The following GRXCR2 variants were observed in gnomAD, a reference collection of about 807,000 sequenced individuals.
GRXCR2 encodes glutaredoxin domain-containing cysteine-rich protein 2.
In GRXCR2, 23 loss-of-function variants were observed where a neutral mutation model predicts 24.8. The ratio of observed to expected loss-of-function variants is 0.93; its 90% CI spans 0.67 to 1.32. GRXCR2 has a LOEUF of 1.32. Among genes scored for constraint, GRXCR2 ranks in the 40% most tolerant of loss-of-function variants. The probability of loss-of-function intolerance (pLI) is 0.00; values close to 1 mark genes in which losing one functional copy is unlikely to be tolerated. For synonymous variants in GRXCR2, 130 were observed against 116.1 expected (o/e 1.12, Z -0.77); for missense variants, 315 against 303.4 (o/e 1.04, Z -0.28).
chr5:145,870,282 T>C (rs920090717), intron 1 of GRXCR2, among the ~76,000 whole-genome samples: 1 of 152,146 alleles, frequency 6.6e-6, no homozygotes, highest in Non-Finnish European at 1.5e-5. Context: ...ACTTGCTGTC[T>C]GTATGATTTT....
chr5:145,922,529 A>T (rs1435995094), intron 2 of GRXCR2, among the ~76,000 whole-genome samples: 2 of 152,222 alleles, frequency 1.3e-5, no homozygotes, highest in Non-Finnish European at 2.9e-5. Flanking sequence ...CAGGCTTAGC[A>T]CAATGCCAGG....
intron 1 of GRXCR2, among the ~76,000 whole-genome samples, chr5:145,872,134 A>G (rs1413551729): frequency 2.0e-5 from 3 of 152,238 alleles, no homozygotes; most frequent in African/African-American, 7.2e-5. Flanking sequence ...GCTTATGCTA[A>G]GGAGCAATGG....
chr5:145,877,708 G>A (rs879919002), upstream of GRXCR2, among the ~76,000 whole-genome samples: 3 of 152,228 alleles, frequency 2.0e-5, no homozygotes, highest in Non-Finnish European at 4.4e-5. Flanking sequence ...CATTGAGACT[G>A]GTTGGACAGT....
intron 2 of GRXCR2, among the ~76,000 whole-genome samples, chr5:145,878,264 G>A (rs2149914365): frequency 6.6e-6 from 1 of 152,248 alleles, no homozygotes; most frequent in East Asian, 1.9e-4. Flanking sequence ...AAAGGAACAT[G>A]CTCAAACCCA....
At chr5:145,908,182 G>A (rs927686530) in intron 2 of GRXCR2, among the ~76,000 whole-genome samples, 1 of 152,142 alleles carries the variant, frequency 6.6e-6, no homozygotes, top group Non-Finnish European at 1.5e-5. Flanking sequence ...AATCTCAGAA[G>A]TCGATTCTAA....
intron 2 of GRXCR2, among the ~76,000 whole-genome samples, chr5:145,908,384 C>A (rs976782777): frequency 6.6e-6 from 1 of 152,038 alleles, no homozygotes; most frequent in Non-Finnish European, 1.5e-5. Context: ...CAAGGAGGAG[C>A]AAGGCAGGCA....
chr5:145,879,562 G>C (rs1756670122), intron 2 of GRXCR2, among the ~76,000 whole-genome samples: 1 of 152,182 alleles, frequency 6.6e-6, no homozygotes, highest in Non-Finnish European at 1.5e-5. Context: ...CAAGTCCTTA[G>C]AGACGGACAA....
chr5:145,916,215 G>A (rs951614363), intron 2 of GRXCR2, among the ~76,000 whole-genome samples: 3 of 152,152 alleles, frequency 2.0e-5, no homozygotes, highest in Admixed American at 6.5e-5. Context: ...CTGACTGTAC[G>A]TGTGTCTGTC....
At chr5:145,912,311 G>A (rs1367769014) in intron 2 of GRXCR2, among the ~76,000 whole-genome samples, 3 of 152,122 alleles carry the variant, frequency 2.0e-5, no homozygotes, top group East Asian at 1.9e-4. Flanking sequence ...AGGGAGGTTC[G>A]GGAGGCCATG....
chr5:145,892,250 C>G (rs1004113768), intron 2 of GRXCR2, among the ~76,000 whole-genome samples: 2 of 152,218 alleles, frequency 1.3e-5, no homozygotes, highest in Admixed American at 1.3e-4. Flanking sequence ...AGGAACGCAG[C>G]TCCTCACCAG....
intron 2 of GRXCR2, among the ~76,000 whole-genome samples, chr5:145,900,570 A>G (rs1448737398): frequency 1.3e-5 from 2 of 152,218 alleles, no homozygotes; most frequent in Non-Finnish European, 2.9e-5. Flanking sequence ...AGAGAAATGC[A>G]AATCAAAACC....
At chr5:145,929,572 A>T (rs781761972) in intron 2 of GRXCR2, among the ~76,000 whole-genome samples, 1 of 152,168 alleles carries the variant, frequency 6.6e-6, no homozygotes, top group African/African-American at 2.4e-5. Flanking sequence ...GCACAATACA[A>T]TTAACTAGAA....
At chr5:145,868,904 G>A (rs1016995545) in intron 1 of GRXCR2, among the ~76,000 whole-genome samples, 13 of 152,214 alleles carry the variant, frequency 8.5e-5, no homozygotes, top group Non-Finnish European at 1.5e-4. Flanking sequence ...GAAAGTTCAC[G>A]TTACGTGGTT....
At chr5:145,911,608 T>C (rs1413529960) in intron 2 of GRXCR2, among the ~76,000 whole-genome samples, 2 of 152,168 alleles carry the variant, frequency 1.3e-5, no homozygotes, top group African/African-American at 2.4e-5. Context: ...TTCCTTTGGG[T>C]CCACTGAGCA....
chr5:145,927,079 G>A (rs1266636556), intron 2 of GRXCR2, among the ~76,000 whole-genome samples: 7 of 152,288 alleles, frequency 4.6e-5, no homozygotes, highest in South Asian at 4.1e-4. Flanking sequence ...CATTGATTTC[G>A]TATCCCAAGA....
intron 2 of GRXCR2, among the ~76,000 whole-genome samples, chr5:145,894,830 A>G (rs957193698): frequency 1.3e-5 from 2 of 151,996 alleles, no homozygotes. Flanking sequence ...GACCCAATTA[A>G]AAAAAAGAGA....
At chr5:145,881,966 T>C (rs541706960) in intron 2 of GRXCR2, among the ~76,000 whole-genome samples, 4 of 152,340 alleles carry the variant, frequency 2.6e-5, no homozygotes, top group Admixed American at 2.6e-4. Context: ...TGGCTAGCCA[T>C]ATGTAGAAAA....
chr5:145,900,942 G>T (rs1176694610), intron 2 of GRXCR2, among the ~76,000 whole-genome samples: 2 of 152,116 alleles, frequency 1.3e-5, no homozygotes, highest in African/African-American at 2.4e-5. Flanking sequence ...CATATATACT[G>T]TGGAACACTA....
chr5:145,921,679 C>A (rs1165274230), intron 2 of GRXCR2, among the ~76,000 whole-genome samples: 1 of 152,174 alleles, frequency 6.6e-6, no homozygotes, highest in Non-Finnish European at 1.5e-5. Flanking sequence ...CTTTAACCAG[C>A]TCCTCACCCA....
Sources: gnomAD v4.1 joint callset for allele counts (sites outside exome capture counted in the v4.1 genomes callset) on GRCh38, gnomAD v4.1.1 for gene constraint, MANE v1.5 for transcripts, NCBI Gene and HGNC (gene_info 2026-07-23, HGNC 2026-07-21) for gene names.